The following FER variants were observed in gnomAD, a reference collection of about 807,000 sequenced individuals.
FER encodes the protein FER tyrosine kinase.
In FER, 63 loss-of-function variants were observed where a neutral mutation model predicts 111.0. The ratio of observed to expected loss-of-function variants is 0.57; its 90% CI spans 0.46 to 0.70. The LOEUF (loss-of-function observed/expected upper bound fraction) is 0.70, where lower values mean the gene tolerates loss of function less well. Ranked by LOEUF, FER falls within the 30% of genes least tolerant of loss-of-function variation. The pLI is 0.00. For missense variants in FER, 914 were observed against 954.0 expected, an observed-to-expected ratio of 0.96 and a Z score of 0.55; for synonymous variants, 327 against 313.9, an observed-to-expected ratio of 1.04 and a Z score of -0.44.
chr5:109,046,794 T>C (rs1196540740), intron 15 of FER, among the ~76,000 whole-genome samples: 1 of 152,104 alleles, frequency 6.6e-6, no homozygotes, highest in African/African-American at 2.4e-5. Context: ...ATAAGTAATC[T>C]GGAGATGGTT....
chr5:108,791,183 A>G (rs530092139), intron 2 of FER, among the ~76,000 whole-genome samples: 2 of 152,324 alleles, frequency 1.3e-5, no homozygotes, highest in East Asian at 3.9e-4. Context: ...TTTCTGGATC[A>G]TATGCTAACT....
chr5:108,848,184 T>C (rs999658424), intron 5 of FER, among the ~76,000 whole-genome samples: 1 of 152,176 alleles, frequency 6.6e-6, no homozygotes, highest in Non-Finnish European at 1.5e-5. Context: ...CTGACCTATC[T>C]ATATTCTTTT....
intron 17 of FER, among the ~76,000 whole-genome samples, chr5:109,132,086 T>A (rs1752416986): frequency 6.6e-6 from 1 of 152,172 alleles, no homozygotes; most frequent in Admixed American, 6.6e-5. Flanking sequence ...TCATCAATAT[T>A]ATTATCTTTT....
At chr5:109,127,932 A>G (rs1751921541) in intron 17 of FER, among the ~76,000 whole-genome samples, 1 of 152,170 alleles carries the variant, frequency 6.6e-6, no homozygotes, top group South Asian at 2.1e-4. Context: ...TAGTTTTGGT[A>G]GTATAAACAC....
chr5:108,869,902 GA>G (rs1206991960), intron 6 of FER, among the ~76,000 whole-genome samples: 2 of 152,036 alleles, frequency 1.3e-5, no homozygotes, highest in Non-Finnish European at 1.5e-5. Context: ...ATTCACATAA[GA>G]AGATAAAGTG....
intron 13 of FER, among the ~76,000 whole-genome samples, chr5:108,993,586 A>AGAGGGAGAGGGCGAGGGC (rs1561736752): frequency 2.7e-3 from 369 of 134,376 alleles, no homozygotes; most frequent in East Asian, 0.02. Context: ...AGGGAGAGGG[A>AGAGGGAGAGGGCGAGGGC]GAGGGAGAGG....
intron 9 of FER, among the ~76,000 whole-genome samples, chr5:108,897,411 G>A (rs1341584319): frequency 3.3e-5 from 5 of 152,116 alleles, no homozygotes; most frequent in African/African-American, 4.8e-5. Context: ...TAAAATGAAT[G>A]CCATAGATCA....
intron 17 of FER, among the ~76,000 whole-genome samples, chr5:109,173,770 A>C: frequency 7.4e-6 from 1 of 135,890 alleles, no homozygotes; most frequent in Non-Finnish European, 1.6e-5. Context: ...CCCCCCCCAC[A>C]AGTAACATAC....
chr5:108,971,196 T>C (rs747752142), intron 13 of FER, among the ~76,000 whole-genome samples: 2 of 144,264 alleles, frequency 1.4e-5, no homozygotes, highest in Non-Finnish European at 3.0e-5. Flanking sequence ...AGAAACACAA[T>C]GGCCAGGCTC....
At chr5:109,029,181 C>G (rs549934215) in intron 13 of FER, among the ~76,000 whole-genome samples, 16 of 145,058 alleles carry the variant, frequency 1.1e-4, no homozygotes, top group African/African-American at 4.1e-4. Context: ...AGGTAGAGCT[C>G]TGTTTAGTTT....
intron 2 of FER, among the ~76,000 whole-genome samples, chr5:108,768,828 A>ATTT (rs113751321): frequency 6.8e-6 from 1 of 146,482 alleles, no homozygotes; most frequent in Non-Finnish European, 1.5e-5. Context: ...TTATAATACA[A>ATTT]TTTTTTTTTT....
At chr5:109,127,688 G>A (rs972605306) in intron 17 of FER, among the ~76,000 whole-genome samples, 2 of 152,062 alleles carry the variant, frequency 1.3e-5, no homozygotes, top group African/African-American at 4.8e-5. Context: ...TACAGCGTGA[G>A]CCACCGTGCT....
At chr5:109,009,761 G>T (rs1159205004) in intron 13 of FER, among the ~76,000 whole-genome samples, 1 of 152,164 alleles carries the variant, frequency 6.6e-6, no homozygotes, top group Non-Finnish European at 1.5e-5. Flanking sequence ...TGCTGACTTA[G>T]CCTGGATTTA....
chr5:109,182,536 C>T (rs746450580), intron 18 of FER, among the ~76,000 whole-genome samples: 8 of 152,116 alleles, frequency 5.3e-5, no homozygotes, highest in Non-Finnish European at 1.0e-4. Flanking sequence ...TTATAATACT[C>T]AATATTTACA....
At position 109,003,103 on chromosome 5, in the gene FER, C is replaced by T. The variant is rs1581601832; in HGVS notation, c.1657-34319C>T. Among the ~76,000 whole-genome samples, 3 of 152,156 alleles carry T rather than the reference C, an allele frequency of 2.0e-5. No individual in the cohort carries two copies. In the East Asian group the frequency reaches 5.8e-4, roughly 29 times the overall value. On this transcript the variant is annotated intron_variant, in intron 13 of 19. Coordinates refer to ENST00000281092, the MANE Select transcript of FER (RefSeq NM_005246.4). ...AACTAGAAATACCATTTGACCCAGC[C>T]ATCCCATTACTGGGTATATACCCAA...
chr5:108,786,240 C>G (rs1211910466), intron 2 of FER, among the ~76,000 whole-genome samples: 1 of 152,200 alleles, frequency 6.6e-6, no homozygotes, highest in Admixed American at 6.5e-5. Context: ...CCTATGTTTT[C>G]TAAAGCCCTA....
At chr5:108,928,160 T>C (rs1057497666) in intron 10 of FER, among the ~76,000 whole-genome samples, 5 of 152,206 alleles carry the variant, frequency 3.3e-5, no homozygotes, top group South Asian at 2.1e-4. Context: ...AGGTGCTTGC[T>C]CCCAAATGCA....
chr5:109,126,863 G>A (rs1028107187), intron 17 of FER, among the ~76,000 whole-genome samples: 5 of 152,158 alleles, frequency 3.3e-5, no homozygotes, highest in Non-Finnish European at 1.5e-5. Flanking sequence ...TGGAAGTATA[G>A]GAAGTCAGGA....
At chr5:109,025,902 G>A (rs1768660386) in intron 13 of FER, among the ~76,000 whole-genome samples, 1 of 152,128 alleles carries the variant, frequency 6.6e-6, no homozygotes, top group South Asian at 2.1e-4. Flanking sequence ...TAGCCACTCA[G>A]TTGCCAGAAC....
Sources: gnomAD v4.1 joint callset for allele counts (sites outside exome capture counted in the v4.1 genomes callset) on GRCh38, gnomAD v4.1.1 for gene constraint, MANE v1.5 for transcripts, NCBI Gene and HGNC (gene_info 2026-07-23, HGNC 2026-07-21) for gene names.